CDK5RAP2: variants seen among roughly 807,000 people sequenced by gnomAD.
The protein encoded by CDK5RAP2 is CDK5 regulatory subunit-associated protein 2.
A neutral mutation model predicts 232.9 loss-of-function variants in CDK5RAP2; 147 were observed. The ratio of observed to expected loss-of-function variants is 0.63; its 90% CI spans 0.55 to 0.72. The LOEUF is 0.72. Ranked by LOEUF, CDK5RAP2 falls within the 30% of genes least tolerant of loss-of-function variation. The probability of loss-of-function intolerance (pLI) is 0.00; values close to 1 mark genes in which losing one functional copy is unlikely to be tolerated. For missense variants in CDK5RAP2, 2,195 were observed against 2,231.5 expected (o/e 0.98, Z 0.33); for synonymous variants, 833 against 833.7 (o/e 1.00, Z 0.01).
intron 14 of CDK5RAP2, among the ~76,000 whole-genome samples, chr9:120,480,095 T>C (rs2038220442): frequency 6.6e-6 from 1 of 152,234 alleles, no homozygotes; most frequent in Non-Finnish European, 1.5e-5. Flanking sequence ...AGTTAATGCA[T>C]ACAGAATATC....
At chr9:120,447,834 C>T in intron 22 of CDK5RAP2, 61 bp downstream of exon 22, 2 of 1,178,610 alleles carry the variant, frequency 1.7e-6, no homozygotes, top group Admixed American at 1.7e-5. Context: ...GTTGACATTT[C>T]AAGCAGTTCT....
intron 35 of CDK5RAP2, among the ~76,000 whole-genome samples, chr9:120,396,680 T>C (rs980738163): frequency 6.6e-6 from 1 of 152,174 alleles, no homozygotes; most frequent in African/African-American, 2.4e-5. Context: ...TAACCACCAG[T>C]GTCTGGCGCA....
chr9:120,528,773 C>T lies in CDK5RAP2; in HGVS notation c.850G>A (p.Glu284Lys). Reference sequence around the variant, plus strand: ...ATCCTCTCTTCAAAGCTGTTTCTCTCCTTCTGATGCTCCATTTGTGCAGCC... The same window carrying T: ...ATCCTCTCTTCAAAGCTGTTTCTCTTCTTCTGATGCTCCATTTGTGCAGCC... ...TEAAQMEHQK[E>K]RNSFEERIQA... The change falls in exon 9 of 38, where the codon GAG (glutamate) becomes AAG (lysine). Residue 284 changes from glutamate to lysine, a missense_variant. Glu to Lys is a moderately conservative substitution (Grantham distance 56, BLOSUM62 1). Transcript: ENST00000349780. The T allele has an allele frequency of 6.2e-7, 1 of 1,610,164 alleles. No homozygotes were observed. Among genetic ancestry groups the T allele is most frequent in the Admixed American group, 1.7e-5 (1 of 60,024 alleles).
At chr9:120,413,469 T>C (rs559042332) in intron 28 of CDK5RAP2, among the ~76,000 whole-genome samples, 1 of 152,362 alleles carries the variant, frequency 6.6e-6, no homozygotes, top group East Asian at 1.9e-4. Context: ...TCCTTTGTCT[T>C]TTCAGACATT....
chr9:120,438,300 G>T (rs2035702491), intron 24 of CDK5RAP2, among the ~76,000 whole-genome samples: 1 of 152,180 alleles, frequency 6.6e-6, no homozygotes, highest in Admixed American at 6.5e-5. Context: ...AGAGTAGCTT[G>T]GCAAAGATGT....
At chr9:120,464,542 G>A (rs1468241924) in intron 18 of CDK5RAP2, among the ~76,000 whole-genome samples, 1 of 152,154 alleles carries the variant, frequency 6.6e-6, no homozygotes, top group Non-Finnish European at 1.5e-5. Flanking sequence ...GCTACTCAAA[G>A]TGTATTCCTT....
chr9:120,408,596 GT>G, intron 30 of CDK5RAP2, 128 bp from the exon 31 acceptor site: 1 of 1,012,336 alleles, frequency 9.9e-7, no homozygotes, highest in South Asian at 1.4e-5. Context: ...GACAAGCATG[GT>G]TAAGAATTCC....
intron 18 of CDK5RAP2, among the ~76,000 whole-genome samples, chr9:120,461,708 G>A (rs770343147): frequency 1.3e-5 from 2 of 152,142 alleles, no homozygotes; most frequent in African/African-American, 2.4e-5. Flanking sequence ...CGGGTGTGGT[G>A]GTACATGCCT....
intron 25 of CDK5RAP2, among the ~76,000 whole-genome samples, chr9:120,430,423 C>G (rs373469867): frequency 6.7e-6 from 1 of 150,236 alleles, no homozygotes; most frequent in East Asian, 1.9e-4. Flanking sequence ...AAGAAAAAAA[C>G]AAACAACCCC....
chr9:120,574,105 C>T (rs1322820890), intron 1 of CDK5RAP2, among the ~76,000 whole-genome samples: 1 of 152,230 alleles, frequency 6.6e-6, no homozygotes. Context: ...TGGTCTTAGA[C>T]AAGCTTCCTA....
At chr9:120,555,127 A>C (rs897109868) in intron 3 of CDK5RAP2, among the ~76,000 whole-genome samples, 2 of 119,632 alleles carry the variant, frequency 1.7e-5, no homozygotes, top group Non-Finnish European at 3.3e-5. Flanking sequence ...AGAATGGCTA[A>C]ATTTTTTTGG....
chr9:120,511,412 T>C lies in CDK5RAP2; in HGVS notation c.1311+7015A>G, dbSNP rs373400258. Among the ~76,000 whole-genome samples the C allele has an allele frequency of 3.3e-5, 5 of 152,218 alleles. No individual in the cohort carries two copies. In the East Asian group the frequency reaches 5.8e-4, roughly 18 times the overall value. ...GAGAATAATGGGAAACAGCTAGATA[T>C]AGTCCCAGGGACTGAAAAGCTTCTA... On this transcript the variant is annotated intron_variant, in intron 12 of 37. Coordinates refer to ENST00000349780, the MANE Select transcript of CDK5RAP2 (RefSeq NM_018249.6).
At chr9:120,478,346 T>G (rs1447476103) in intron 14 of CDK5RAP2, among the ~76,000 whole-genome samples, 5 of 152,126 alleles carry the variant, frequency 3.3e-5, no homozygotes, top group Non-Finnish European at 2.9e-5. Flanking sequence ...AATGAGGAAG[T>G]GCTTATAGAA....
Position 120,580,129 on chromosome 9 carries a change from G to C in CDK5RAP2, c.-151C>G, listed in dbSNP as rs886063402. ...CGGCGCCGCTGGAATTCAAACCACAGACGCCGCCATCTTTCCCGGCGCTTC... is the reference window on the plus strand; with the variant it reads ...CGGCGCCGCTGGAATTCAAACCACACACGCCGCCATCTTTCCCGGCGCTTC... On this transcript the variant is annotated 5_prime_UTR_variant, in exon 1 of 38. Coordinates refer to ENST00000349780, the MANE Select transcript of CDK5RAP2 (RefSeq NM_018249.6). The C allele has an allele frequency of 1.7e-6, 1 of 586,738 alleles. No individual in the cohort carries two copies. 36.3% of individuals were successfully genotyped at this position (586,738 alleles called of 1,614,324 possible).
chr9:120,535,911 G>A (rs111311818), intron 7 of CDK5RAP2, among the ~76,000 whole-genome samples: 2,017 of 152,280 alleles, frequency 0.013, 45 homozygotes, highest in African/African-American at 0.045. Context: ...GAAATTCACT[G>A]TTATTTCTTG....
chr9:120,461,290 A>T (rs939876124), intron 18 of CDK5RAP2, among the ~76,000 whole-genome samples: 1 of 152,244 alleles, frequency 6.6e-6, no homozygotes, highest in Non-Finnish European at 1.5e-5. Flanking sequence ...TTTGGAAATG[A>T]AGGACAGTTA....
At chr9:120,390,526 G>A (rs1306300197) in intron 36 of CDK5RAP2, among the ~76,000 whole-genome samples, 1 of 152,174 alleles carries the variant, frequency 6.6e-6, no homozygotes. Context: ...GGAGGGGCAG[G>A]CGAGCCCTGG....
intron 15 of CDK5RAP2, among the ~76,000 whole-genome samples, chr9:120,475,516 T>G (rs2037957960): frequency 6.6e-6 from 1 of 152,000 alleles, no homozygotes. Flanking sequence ...AGCTGCGCAA[T>G]TGAAATGAAA....
At chr9:120,531,427 T>C (rs570495286) in intron 7 of CDK5RAP2, among the ~76,000 whole-genome samples, 1 of 152,030 alleles carries the variant, frequency 6.6e-6, no homozygotes, top group Non-Finnish European at 1.5e-5. Context: ...ACAATATAAT[T>C]ACCAAATTAT....
Sources: allele counts gnomAD v4.1 joint callset (sites outside exome capture counted in the v4.1 genomes callset), GRCh38; gene constraint gnomAD v4.1.1; transcripts MANE v1.5; gene names NCBI Gene and HGNC (gene_info 2026-07-23, HGNC 2026-07-21).